Variants in DOCK1 observed in about 807,000 individuals in gnomAD.
DOCK1 encodes the protein dedicator of cytokinesis protein 1.
DOCK1 carries 138 observed loss-of-function variants against 262.7 expected under a neutral mutation model. That is an observed-to-expected ratio of 0.53 (90% CI 0.46 to 0.61). The LOEUF (loss-of-function observed/expected upper bound fraction) is 0.61, where lower values mean the gene tolerates loss of function less well. Ranked by LOEUF, DOCK1 falls within the 20% of genes least tolerant of loss-of-function variation. DOCK1 has a pLI of 0.00. For missense variants in DOCK1, 1,908 were observed against 2,370.7 expected (o/e 0.80, Z 4.05); for synonymous variants, 866 against 867.4 (o/e 1.00, Z 0.03).
intron 29 of DOCK1, among the ~76,000 whole-genome samples, chr10:127,317,577 G>A (rs2062338191): frequency 6.6e-6 from 1 of 152,124 alleles, no homozygotes; most frequent in South Asian, 2.1e-4. Context: ...CAGGAGCTCT[G>A]GATTCGAGTG....
intron 1 of DOCK1, among the ~76,000 whole-genome samples, chr10:126,947,197 T>A (rs1006681160): frequency 4.0e-5 from 6 of 151,436 alleles, no homozygotes; most frequent in African/African-American, 4.9e-5. Flanking sequence ...CAGGGCAGAA[T>A]AAAGTTTACC....
Position 127,354,669 on chromosome 10 carries a change from G to A in DOCK1, c.3225G>A (p.Lys1075=), listed in dbSNP as rs372238971. 3.1e-6 allele frequency: 5 copies of A among 1,613,716 alleles called. No homozygotes were observed. In the African/African-American group the frequency reaches 4.0e-5, roughly 13 times the overall value. ...CGTTTTTCTTTTCCCTGATTTCCAG[G>A]TACGGAGATATGAGGAGACAGATTG... The part of the protein sequence containing the change: ...SSAKRAKILN[K]YGDMRRQIGF... The change falls in exon 32 of 52, where the codon AAG becomes AAA. Residue 1075 remains lysine, a splice_region_variant and synonymous_variant. Coordinates refer to ENST00000623213, the MANE Select transcript of DOCK1 (RefSeq NM_001290223.2).
intron 23 of DOCK1, among the ~76,000 whole-genome samples, chr10:127,082,004 A>G (rs1277064909): frequency 6.6e-6 from 1 of 152,166 alleles, no homozygotes; most frequent in African/African-American, 2.4e-5. Flanking sequence ...GAGGGTGAAC[A>G]TGAGCCCTGC....
At chr10:127,137,855 C>T in intron 27 of DOCK1, 1 of 1,613,806 alleles carries the variant, frequency 6.2e-7, no homozygotes, top group Non-Finnish European at 8.5e-7. Context: ...ACCAGAGTTT[C>T]CATCTTCCGT....
intron 1 of DOCK1, among the ~76,000 whole-genome samples, chr10:126,938,553 T>C (rs2034713214): frequency 6.6e-6 from 1 of 152,212 alleles, no homozygotes; most frequent in Non-Finnish European, 1.5e-5. Context: ...CTTTTGATTA[T>C]GAGTTCTTTC....
At chr10:126,913,863 G>T (rs1211628872) in intron 1 of DOCK1, among the ~76,000 whole-genome samples, 1 of 152,154 alleles carries the variant, frequency 6.6e-6, no homozygotes, top group Non-Finnish European at 1.5e-5. Context: ...TATCAGCCTG[G>T]TGTCTTATTA....
chr10:127,404,887 A>G lies in DOCK1; in HGVS notation c.4122+458A>G, dbSNP rs2067430382. Among the ~76,000 whole-genome samples the G allele has an allele frequency of 2.0e-5, 3 of 152,274 alleles. No individual in the cohort carries two copies. In the South Asian group the frequency reaches 6.2e-4, roughly 32 times the overall value. ...TGCCAGCCCCAGCAGCCACCGTTCT[A>G]CTTTGTGTCTCTATGAATCTGACTG... On this transcript the variant is annotated intron_variant, in intron 40 of 51. Coordinates refer to ENST00000623213, the MANE Select transcript of DOCK1 (RefSeq NM_001290223.2).
chr10:127,133,331 A>G (rs2050437089), intron 27 of DOCK1, among the ~76,000 whole-genome samples: 1 of 152,250 alleles, frequency 6.6e-6, no homozygotes, highest in South Asian at 2.1e-4. Flanking sequence ...TCATTATAAT[A>G]GAGTTTAAGT....
chr10:127,064,779 T>C (rs2045753547), intron 23 of DOCK1, among the ~76,000 whole-genome samples: 1 of 152,224 alleles, frequency 6.6e-6, no homozygotes. Context: ...TCCCCATTTC[T>C]AAGTGTCCCG....
chr10:127,411,052 G>A lies in DOCK1; in HGVS notation c.4428+128G>A, dbSNP rs989935259. On this transcript the variant is annotated intron_variant, in intron 43 of 51. Coordinates refer to ENST00000623213, the MANE Select transcript of DOCK1 (RefSeq NM_001290223.2). ...CATATTAAATGTCTTTGTGTATTATGTGCAGAAATCTTAATCTATTACCCC... is the reference window on the plus strand; with the variant it reads ...CATATTAAATGTCTTTGTGTATTATATGCAGAAATCTTAATCTATTACCCC... 32 of 925,170 alleles carry A rather than the reference G, an allele frequency of 3.5e-5. No individual in the cohort carries two copies. In the African/African-American group the frequency reaches 4.5e-4, roughly 13 times the overall value. 57.3% of individuals were successfully genotyped at this position (925,170 alleles called of 1,614,324 possible).
intron 27 of DOCK1, among the ~76,000 whole-genome samples, chr10:127,239,230 T>A (rs1184587914): frequency 6.6e-6 from 1 of 152,226 alleles, no homozygotes; most frequent in Non-Finnish European, 1.5e-5. Context: ...TCACTTGTCA[T>A]GTGCAGTGTT....
intron 49 of DOCK1, among the ~76,000 whole-genome samples, chr10:127,439,806 G>T (rs917346271): frequency 1.3e-5 from 2 of 152,152 alleles, no homozygotes; most frequent in Non-Finnish European, 2.9e-5. Context: ...GACCCGTACT[G>T]CTGAGCTGAC....
intron 31 of DOCK1, among the ~76,000 whole-genome samples, chr10:127,351,637 C>T (rs1186087089): frequency 6.6e-6 from 1 of 152,078 alleles, no homozygotes; most frequent in African/African-American, 2.4e-5. Context: ...TAGTTATGGT[C>T]CCCAGGACTG....
chr10:127,326,019 G>T (rs1323176198), intron 29 of DOCK1, among the ~76,000 whole-genome samples: 1 of 152,158 alleles, frequency 6.6e-6, no homozygotes, highest in South Asian at 2.1e-4. Context: ...AAAAAACAGT[G>T]TATATACCTT....
intron 2 of DOCK1, among the ~76,000 whole-genome samples, chr10:126,972,757 A>G (rs548266679): frequency 6.6e-6 from 1 of 151,266 alleles, no homozygotes; most frequent in East Asian, 2.0e-4. Context: ...CATGGCCCTT[A>G]TTTCCCCATC....
intron 3 of DOCK1, among the ~76,000 whole-genome samples, chr10:126,978,493 T>C (rs914932833): frequency 1.3e-5 from 2 of 152,236 alleles, no homozygotes; most frequent in Non-Finnish European, 2.9e-5. Context: ...TTTGAATTTC[T>C]GAAACTAAGA....
chr10:127,246,254 C>G (rs759948018), intron 27 of DOCK1, among the ~76,000 whole-genome samples: 92 of 152,282 alleles, frequency 6.0e-4, no homozygotes, highest in South Asian at 6.2e-4. Flanking sequence ...GCCTCCACAC[C>G]CAGCTTTGCC....
chr10:127,349,561 G>A (rs2063789662), intron 31 of DOCK1, among the ~76,000 whole-genome samples: 1 of 152,124 alleles, frequency 6.6e-6, no homozygotes, highest in African/African-American at 2.4e-5. Context: ...ACCTTTGATT[G>A]GGTCAGAATA....
chr10:127,165,175 A>C (rs1193480966), intron 27 of DOCK1, among the ~76,000 whole-genome samples: 1 of 152,182 alleles, frequency 6.6e-6, no homozygotes, highest in Non-Finnish European at 1.5e-5. Flanking sequence ...ATTTTTTGCC[A>C]GTGGTTCTGA....
Sources: allele counts gnomAD v4.1 joint callset (sites outside exome capture counted in the v4.1 genomes callset), GRCh38; gene constraint gnomAD v4.1.1; transcripts MANE v1.5; gene names NCBI Gene and HGNC (gene_info 2026-07-23, HGNC 2026-07-21).